RIMBP2: variants seen among roughly 807,000 people sequenced by gnomAD.
RIMBP2 encodes RIMS-binding protein 2.
Under a neutral mutation model 118.6 loss-of-function variants are expected in RIMBP2, and 48 were observed. That is an observed-to-expected ratio of 0.40 (90% CI 0.32 to 0.51). RIMBP2 has a LOEUF of 0.51. RIMBP2 is among the 20% of genes least tolerant of loss of function. RIMBP2 has a pLI of 0.41. For missense variants in RIMBP2, 1,551 were observed against 1,768.3 expected (o/e 0.88, Z 2.20); for synonymous variants, 762 against 742.9 (o/e 1.03, Z -0.42).
chr12:130,480,252 G>A (rs2081860403), intron 4 of RIMBP2, among the ~76,000 whole-genome samples: 1 of 148,408 alleles, frequency 6.7e-6, no homozygotes, highest in African/African-American at 2.5e-5. Context: ...GTAACTTCGT[G>A]GTCAACATTT....
In RIMBP2 at chr12:130,576,123, C is replaced by T. The variant is rs745629456; in HGVS notation, c.-217+52199G>A. 8.6e-5 allele frequency among the ~76,000 whole-genome samples: 13 copies of T among 151,028 alleles called. No individual in the cohort carries two copies. Among genetic ancestry groups the T allele is most frequent in the South Asian group, 4.2e-4 (2 of 4,750 alleles). On this transcript the variant is annotated intron_variant, in intron 2 of 22. Coordinates refer to ENST00000690449, the MANE Select transcript of RIMBP2 (RefSeq NM_001393629.1). The surrounding 1 kb of genome is among the most constrained non-coding windows in gnomAD (Gnocchi z 4.2). ...GGGGGACCGTTAGGCAAAGGGGCTG[C>T]GGACAGGTGAGGGGGAGGAGGGGGC...
At chr12:130,580,782 A>C (rs1327325590) in intron 2 of RIMBP2, among the ~76,000 whole-genome samples, 1 of 152,132 alleles carries the variant, frequency 6.6e-6, no homozygotes, top group East Asian at 1.9e-4. Flanking sequence ...TCTACTAAAA[A>C]TACAAAAATT....
At chr12:130,569,220 A>G (rs2057450657) in intron 2 of RIMBP2, among the ~76,000 whole-genome samples, 1 of 152,208 alleles carries the variant, frequency 6.6e-6, no homozygotes, top group South Asian at 2.1e-4. Flanking sequence ...GTGTCACCAC[A>G]TGAACAGCAT....
rs1227399230 is a variant in RIMBP2 at position 130,424,407 on chromosome 12, C to G, written c.2864G>C (p.Arg955Thr). 4.1e-6 allele frequency: 5 copies of G among 1,232,758 alleles called. No homozygotes were observed. The highest frequency in any genetic ancestry group is 5.1e-6 in the Non-Finnish European group (5 of 988,220). The allele number at this position is 1,232,758 out of a possible 1,614,324, so 76.4% of individuals were successfully genotyped here. A position where few individuals can be genotyped will look rare whatever the true frequency, so the allele number is the denominator to read the frequency against. Residue 955 changes from arginine (R) to threonine (T), a missense_variant, in exon 16 of 23, where the codon AGG becomes ACG. By Grantham distance (71) the Arg-to-Thr change is moderately conservative (BLOSUM62 -1). This residue lies in a region of RIMBP2 where 1,038 missense variants were observed against 1,125.1 expected (regional missense o/e 0.92). Coordinates refer to ENST00000690449, the MANE Select transcript of RIMBP2 (RefSeq NM_001393629.1). This position sits in a 1 kb window ranked among gnomAD's most constrained non-coding sequence, Gnocchi z 9.8. ...CGTCCGCCGCCGGGCCAGCAGCGGC[C>G]TCGGGCCCCTCCTGCAGGGACAGTG... The part of the protein sequence containing the change: ...PGHCPCRRGP[R>T]PLLARRRTLT...
chr12:130,476,175 G>A (rs924993817), intron 5 of RIMBP2, among the ~76,000 whole-genome samples: 2 of 152,186 alleles, frequency 1.3e-5, no homozygotes, highest in Non-Finnish European at 2.9e-5. Context: ...GGGCCTCCGG[G>A]TCAAAGAAAA....
intron 6 of RIMBP2, among the ~76,000 whole-genome samples, chr12:130,462,843 T>G (rs1210395755): frequency 6.6e-6 from 1 of 152,248 alleles, no homozygotes; most frequent in Admixed American, 6.5e-5. Flanking sequence ...AATGCTTGTC[T>G]GATGGGAGAA....
intron 5 of RIMBP2, among the ~76,000 whole-genome samples, chr12:130,476,922 A>G (rs1433761904): frequency 6.6e-6 from 1 of 152,194 alleles, no homozygotes; most frequent in Non-Finnish European, 1.5e-5. Context: ...GCTGGTCACA[A>G]GTGCAGTGCA....
At chr12:130,518,531 A>G (rs911543893) in intron 2 of RIMBP2, among the ~76,000 whole-genome samples, 1 of 152,172 alleles carries the variant, frequency 6.6e-6, no homozygotes, top group Non-Finnish European at 1.5e-5. Context: ...TAAGCCCCCA[A>G]AGAAAGCTGA....
At chr12:130,437,682 G>A (rs2077639252) in intron 12 of RIMBP2, among the ~76,000 whole-genome samples, 3 of 152,214 alleles carry the variant, frequency 2.0e-5, no homozygotes, top group Non-Finnish European at 1.5e-5. Context: ...ACTGCTGGGA[G>A]AGAACAGGGC....
At chr12:130,417,054 C>A (rs944504268) in intron 17 of RIMBP2, among the ~76,000 whole-genome samples, 2 of 152,144 alleles carry the variant, frequency 1.3e-5, no homozygotes, top group Non-Finnish European at 2.9e-5. Flanking sequence ...CCATCTCACA[C>A]CAGTCAGAAT....
At chr12:130,671,285 C>A (rs2064184371) in intron 1 of RIMBP2, among the ~76,000 whole-genome samples, 1 of 152,178 alleles carries the variant, frequency 6.6e-6, no homozygotes, top group African/African-American at 2.4e-5. Context: ...TTGTTTACGC[C>A]ACCTCACTGT....
chr12:130,540,104 C>A (rs12296866), intron 2 of RIMBP2, among the ~76,000 whole-genome samples: 1,066 of 48,090 alleles, frequency 0.022, 133 homozygotes, highest in East Asian at 0.051. Flanking sequence ...CAAATGCAGT[C>A]GATGAGGTGG....
intron 4 of RIMBP2, among the ~76,000 whole-genome samples, chr12:130,486,525 G>A (rs562805366): frequency 6.7e-6 from 1 of 150,064 alleles, no homozygotes; most frequent in African/African-American, 2.5e-5. Flanking sequence ...ATGTACAGGA[G>A]GAAGCTCAAA....
At chr12:130,543,913 G>A (rs2054845313) in intron 2 of RIMBP2, among the ~76,000 whole-genome samples, 1 of 152,192 alleles carries the variant, frequency 6.6e-6, no homozygotes, top group African/African-American at 2.4e-5. Context: ...CACTCAGGAT[G>A]TTGATTTAAT....
At chr12:130,612,905 C>G (rs1165108223) in intron 2 of RIMBP2, among the ~76,000 whole-genome samples, 4 of 147,646 alleles carry the variant, frequency 2.7e-5, no homozygotes, top group Admixed American at 6.7e-5. Context: ...TTCCCTCCCC[C>G]CTCCCCCAAG....
At chr12:130,517,521 C>G (rs1032083988) in intron 3 of RIMBP2, among the ~76,000 whole-genome samples, 1 of 152,128 alleles carries the variant, frequency 6.6e-6, no homozygotes, top group Non-Finnish European at 1.5e-5. Context: ...GGAGTGGCCA[C>G]ACCATTCACT....
At position 130,655,143 on chromosome 12, in the gene RIMBP2, A is replaced by G. The variant is rs561749364; in HGVS notation, c.-351-26687T>C. 2.0e-5 allele frequency among the ~76,000 whole-genome samples: 3 copies of G among 152,332 alleles called. No individual in the cohort carries two copies. The South Asian group carries it at 6.2e-4, about 32-fold the overall frequency. ...CACAAATGACACACTAGAGGTCTCT[A>G]CAGGGAGAGAATGGGGTGCTGGACA... On this transcript the variant is annotated intron_variant, in intron 1 of 22. Transcript: ENST00000690449.
chr12:130,481,050 A>G (rs1409158349), intron 4 of RIMBP2, among the ~76,000 whole-genome samples: 1 of 122,762 alleles, frequency 8.1e-6, no homozygotes, highest in African/African-American at 2.9e-5. Flanking sequence ...GGAGCCTGGC[A>G]GGGGGGAGGC....
At chr12:130,543,918 T>C (rs1182002666) in intron 2 of RIMBP2, among the ~76,000 whole-genome samples, 1 of 152,240 alleles carries the variant, frequency 6.6e-6, no homozygotes, top group Non-Finnish European at 1.5e-5. Context: ...AGGATGTTGA[T>C]TTAATAGAAT....
Sources: gnomAD v4.1 joint callset for allele counts (sites outside exome capture counted in the v4.1 genomes callset) on GRCh38, gnomAD v4.1.1 for gene constraint, gnomAD v4.1.1 regional missense constraint, Gnocchi (gnomAD v3.1) non-coding constraint, MANE v1.5 for transcripts, NCBI Gene and HGNC (gene_info 2026-07-23, HGNC 2026-07-21) for gene names.